Variants in RNF4 observed in about 807,000 individuals in gnomAD.
RNF4 encodes E3 ubiquitin-protein ligase RNF4.
RNF4 carries 7 observed loss-of-function variants against 24.3 expected under a neutral mutation model. That is an observed-to-expected ratio of 0.29 (90% confidence interval 0.16 to 0.54). The LOEUF is 0.54. Among genes scored for constraint, RNF4 ranks in the 20% least tolerant of loss-of-function variants. RNF4 has a pLI of 0.95. For missense variants in RNF4, 209 were observed against 248.5 expected (o/e 0.84, Z 1.07); for synonymous variants, 83 against 84.3 (o/e 0.98, Z 0.09).
intron 1 of RNF4, among the ~76,000 whole-genome samples, chr4:2,489,312 A>T (rs901625202): frequency 6.6e-6 from 1 of 152,210 alleles, no homozygotes; most frequent in African/African-American, 2.4e-5. Context: ...ATGAGCAGGC[A>T]TGGTAATGGT....
chr4:2,478,796 ATGTGGGGT>A (rs1292885288), intron 1 of RNF4, among the ~76,000 whole-genome samples: 1 of 152,230 alleles, frequency 6.6e-6, no homozygotes, highest in Non-Finnish European at 1.5e-5. Flanking sequence ...TGGAAGGGAA[ATGTGGGGT>A]TGGAGCCCCC....
chr4:2,472,583 C>G (rs957705247), intron 1 of RNF4, among the ~76,000 whole-genome samples: 15 of 145,856 alleles, frequency 1.0e-4, no homozygotes, highest in African/African-American at 3.0e-4. Flanking sequence ...GAGACCACCC[C>G]CTCCACTGCC....
chr4:2,490,152 A>G (rs1395883195), intron 1 of RNF4, among the ~76,000 whole-genome samples, 185 bp from the exon 2 acceptor site: 1 of 152,120 alleles, frequency 6.6e-6, no homozygotes, highest in Non-Finnish European at 1.5e-5. Context: ...AGGCTTTGGG[A>G]TCAGGAAGTC....
At chr4:2,508,453 G>A in intron 4 of RNF4, among the ~76,000 whole-genome samples, 1 of 152,160 alleles carries the variant, frequency 6.6e-6, no homozygotes, top group East Asian at 1.9e-4. Context: ...TGAGATGTCT[G>A]CAGGGATTCT....
chr4:2,486,753 G>A (rs1173756145), intron 1 of RNF4, among the ~76,000 whole-genome samples: 5 of 152,154 alleles, frequency 3.3e-5, no homozygotes, highest in Non-Finnish European at 2.9e-5. Flanking sequence ...GAGAGGCTTA[G>A]GAACAGCCTG....
intron 1 of RNF4, among the ~76,000 whole-genome samples, chr4:2,483,873 C>T (rs953086295): frequency 6.6e-6 from 1 of 151,684 alleles, no homozygotes; most frequent in South Asian, 2.1e-4. Flanking sequence ...TCACTTGTTG[C>T]GCAGGCTGGA....
chr4:2,471,693 G>A (rs1284404281), intron 1 of RNF4, among the ~76,000 whole-genome samples: 1 of 152,222 alleles, frequency 6.6e-6, no homozygotes, highest in African/African-American at 2.4e-5. Context: ...AAGCCAAACA[G>A]CCTTATTGCT....
In RNF4 at chr4:2,513,827, A is replaced by G. The variant is rs745650349; in HGVS notation, c.*8A>G. On this transcript the variant is annotated 3_prime_UTR_variant, in exon 8 of 8. Transcript: ENST00000314289. Reference sequence around the variant, plus strand: ...CACCCCATTTATATATGAAGTATTCAGAGCCCCCCAGGAGAGACGGATGGA... The same window carrying G: ...CACCCCATTTATATATGAAGTATTCGGAGCCCCCCAGGAGAGACGGATGGA... The G allele has an allele frequency of 6.2e-7, 1 of 1,613,934 alleles. No homozygotes were observed. Among genetic ancestry groups the G allele is most frequent in the Admixed American group, 1.7e-5 (1 of 60,026 alleles).
intron 1 of RNF4, among the ~76,000 whole-genome samples, chr4:2,488,974 C>A (rs1359187592): frequency 6.6e-6 from 1 of 152,030 alleles, no homozygotes; most frequent in Non-Finnish European, 1.5e-5. Flanking sequence ...CCACTCCAGG[C>A]TAATTTTTTG....
At chr4:2,496,638 T>C (rs1735743919) in intron 2 of RNF4, among the ~76,000 whole-genome samples, 1 of 152,012 alleles carries the variant, frequency 6.6e-6, no homozygotes, top group Non-Finnish European at 1.5e-5. Flanking sequence ...CTTTTGTATT[T>C]TCAGTAGTGA....
intron 4 of RNF4, among the ~76,000 whole-genome samples, chr4:2,503,643 G>C (rs568577391): frequency 6.6e-6 from 1 of 152,306 alleles, no homozygotes; most frequent in Admixed American, 6.5e-5. Flanking sequence ...ACATATACTT[G>C]AGTTTGGAAT....
intron 4 of RNF4, among the ~76,000 whole-genome samples, chr4:2,502,629 G>A (rs1234193663): frequency 2.0e-5 from 3 of 149,612 alleles, no homozygotes; most frequent in Non-Finnish European, 4.4e-5. Flanking sequence ...CCGAGATCAC[G>A]TCACTGCACT....
intron 1 of RNF4, among the ~76,000 whole-genome samples, chr4:2,473,962 T>C (rs1578495522): frequency 1.3e-5 from 2 of 152,208 alleles, no homozygotes. Context: ...TGCATAGTAA[T>C]CCCGGCCACT....
chr4:2,512,526 C>G lies in RNF4; in HGVS notation c.303C>G (p.Ser101=). ...TGAGCAGTGACGATGAGGAGTTGTC[C>G]AGGGACAGAGACGTATATGTGACTA... ...CVVSSDDEEL[S]RDRDVYVTTH... is the part of the protein sequence containing the mutation. Residue 101 remains serine (S), a synonymous_variant, in exon 6 of 8, where the codon TCC becomes TCG. Coordinates refer to ENST00000314289, the MANE Select transcript of RNF4 (RefSeq NM_002938.5). The surrounding 1 kb of genome is among the most constrained non-coding windows in gnomAD (Gnocchi z 4.1). The G allele has an allele frequency of 6.2e-7, 1 of 1,613,864 alleles. No homozygotes were observed. The highest frequency in any genetic ancestry group is 1.1e-5 in the South Asian group (1 of 91,066).
rs142054476 is a variant in RNF4, at chr4:2,472,131, T to G, written c.-158+2873T>G. Among the ~76,000 whole-genome samples, 271 of 152,288 alleles carry G rather than the reference T, an allele frequency of 1.8e-3. 2 individuals carry two copies. The highest frequency in any genetic ancestry group is 5.9e-3 in the African/African-American group (244 of 41,564). On this transcript the variant is annotated intron_variant, in intron 1 of 7. Coordinates refer to ENST00000314289, the MANE Select transcript of RNF4 (RefSeq NM_002938.5). ...TCTTGTTAGGGGCTAGTGTGGCCAGTGACTTAAGTTGTAACTAGTGCTCAT... is the reference window on the plus strand; with the variant it reads ...TCTTGTTAGGGGCTAGTGTGGCCAGGGACTTAAGTTGTAACTAGTGCTCAT...
chr4:2,477,017 G>A (rs899168354), intron 1 of RNF4, among the ~76,000 whole-genome samples: 1 of 150,304 alleles, frequency 6.7e-6, no homozygotes, highest in African/African-American at 2.4e-5. Context: ...CCTGACTTCA[G>A]GTGATCTGCC....
At chr4:2,483,057 A>G (rs573784224) in intron 1 of RNF4, among the ~76,000 whole-genome samples, 1 of 152,350 alleles carries the variant, frequency 6.6e-6, no homozygotes, top group African/African-American at 2.4e-5. Context: ...AAGAAGGGAC[A>G]TGCTCTCCAG....
intron 2 of RNF4, among the ~76,000 whole-genome samples, chr4:2,496,795 T>C (rs1735748555): frequency 6.6e-6 from 1 of 152,178 alleles, no homozygotes; most frequent in Non-Finnish European, 1.5e-5. Context: ...AAGTTTTACT[T>C]TCTGGAATTT....
chr4:2,513,271 C>G (rs1736320689), intron 7 of RNF4, 140 bp downstream of exon 7: 2 of 825,520 alleles, frequency 2.4e-6, no homozygotes, highest in African/African-American at 1.7e-5. Flanking sequence ...TATTGCAGAT[C>G]TGCCTGTGAG....
Sources: gnomAD v4.1 joint callset for allele counts (sites outside exome capture counted in the v4.1 genomes callset) on GRCh38, gnomAD v4.1.1 for gene constraint, Gnocchi (gnomAD v3.1) non-coding constraint, MANE v1.5 for transcripts, NCBI Gene and HGNC (gene_info 2026-07-23, HGNC 2026-07-21) for gene names.